The following PCDHA3 variants were observed in gnomAD, a reference collection of about 807,000 sequenced individuals.
PCDHA3 encodes protocadherin alpha 3, also known as protocadherin alpha-3.
In PCDHA3, 41 loss-of-function variants were observed where a neutral mutation model predicts 62.2. The ratio of observed to expected loss-of-function variants is 0.66; its 90% CI spans 0.51 to 0.86. The LOEUF (loss-of-function observed/expected upper bound fraction) is 0.86. PCDHA3 is among the 40% of genes least tolerant of loss of function. PCDHA3 has a pLI of 0.00. For missense variants in PCDHA3, 1,304 were observed against 1,241.2 expected, an observed-to-expected ratio of 1.05 and a Z score of -0.76; for synonymous variants, 640 against 555.4, an observed-to-expected ratio of 1.15 and a Z score of -2.14.
chr5:140,883,559 G>A (rs2059672435), intron 1 of PCDHA3: 5 of 1,614,074 alleles, frequency 3.1e-6, no homozygotes, highest in Non-Finnish European at 4.2e-6. Context: ...GCGGGACGGG[G>A]GCTCGCCTTC....
chr5:140,869,580 T>C (rs1325973038), intron 1 of PCDHA3: 4 of 1,614,046 alleles, frequency 2.5e-6, no homozygotes, highest in Non-Finnish European at 3.4e-6. Flanking sequence ...GAGCTTCTGA[T>C]GCTGACATTG....
chr5:140,808,344 C>T, intron 1 of PCDHA3: 1 of 1,614,268 alleles, frequency 6.2e-7, no homozygotes. Context: ...GGGCTGGTCA[C>T]CTGCTCCTTG....
intron 1 of PCDHA3, chr5:140,809,451 G>A (rs1764468208): frequency 1.2e-6 from 2 of 1,614,248 alleles, no homozygotes; most frequent in Non-Finnish European, 1.7e-6. Context: ...CAGCAGAGGA[G>A]GCCGAGGGTG....
Position 140,801,553 on chromosome 5 carries a change from T to G in PCDHA3, c.356T>G (p.Val119Gly), listed in dbSNP as rs782642948. ...GACAGGCCGCTGCAGGTTTTCCATG[T>G]GGAGGTGGAAGTGAAGGACATTAAT... ...IVDRPLQVFHVEVEVKDINDN... is the reference protein window; with the variant it reads ...IVDRPLQVFHGEVEVKDINDN... The change falls in exon 1 of 4, where the codon GTG becomes GGG. Residue 119 changes from valine (V) to glycine (G), a missense_variant. Coordinates refer to ENST00000522353, the MANE Select transcript of PCDHA3 (RefSeq NM_018906.3). 3.7e-6 allele frequency: 6 copies of G among 1,614,078 alleles called. No homozygotes were observed. The East Asian group carries it at 1.3e-4, about 36-fold the overall frequency.
intron 1 of PCDHA3, chr5:140,841,424 G>A: frequency 6.2e-7 from 1 of 1,612,920 alleles, no homozygotes; most frequent in Non-Finnish European, 8.5e-7. Context: ...CCACTACTCC[G>A]TCCCCGAGGA....
chr5:140,894,670 C>T (rs971891585), intron 1 of PCDHA3, among the ~76,000 whole-genome samples: 2 of 151,580 alleles, frequency 1.3e-5, no homozygotes, highest in African/African-American at 4.8e-5. Flanking sequence ...TTTGTGTATT[C>T]TTGCATAGCT....
chr5:140,835,433 G>A lies in PCDHA3; in HGVS notation c.2394+31842G>A, dbSNP rs2150235637. 11 of 1,613,904 alleles carry A rather than the reference G, an allele frequency of 6.8e-6. 1 individual carries two copies. The South Asian group carries it at 1.2e-4, about 18-fold the overall frequency. ...ATGTAAATGACAATGCTCCACAGTTGACTCTCACTTCCCTGTCTCTCCCTA... is the reference window on the plus strand; with the variant it reads ...ATGTAAATGACAATGCTCCACAGTTAACTCTCACTTCCCTGTCTCTCCCTA... On this transcript the variant is annotated intron_variant, in intron 1 of 3. Coordinates refer to ENST00000522353, the MANE Select transcript of PCDHA3 (RefSeq NM_018906.3).
chr5:140,806,964 T>C (rs1380498869), intron 1 of PCDHA3: 2 of 602,612 alleles, frequency 3.3e-6, no homozygotes, highest in Non-Finnish European at 5.8e-6. Context: ...GTTTCCACAA[T>C]TGCTACTTAC....
At chr5:140,869,551 TCG>T in intron 1 of PCDHA3, 1 of 1,614,218 alleles carries the variant, frequency 6.2e-7, no homozygotes, top group Non-Finnish European at 8.5e-7. Context: ...GCAATCGGAC[TCG>T]CGTTTTCCAC....
chr5:140,803,229 G>A lies in PCDHA3; in HGVS notation c.2032G>A (p.Ala678Thr), dbSNP rs782531842. The A allele has an allele frequency of 1.9e-6, 3 of 1,613,826 alleles. No homozygotes were observed. The highest frequency in any genetic ancestry group is 2.2e-5 in the East Asian group (1 of 44,880). The change falls in exon 1 of 4, where the codon GCC becomes ACC. Residue 678 changes from alanine (A) to threonine (T), a missense_variant. Ala to Thr is a moderately conservative substitution (Grantham distance 58, BLOSUM62 0). Transcript: ENST00000522353. ...SLVESGQAPK[A>T]SSQASAGATG... is the part of the protein sequence containing the mutation. ...GGTGGAGAGTGGCCAGGCACCCAAG[G>A]CCTCGTCCCAGGCGTCCGCTGGCGC...
chr5:140,927,077 G>C (rs568623488), intron 1 of PCDHA3: 29 of 1,610,728 alleles, frequency 1.8e-5, no homozygotes, highest in Non-Finnish European at 2.5e-5. Flanking sequence ...TCCAGCCACC[G>C]CGAGCTCTAC....
At chr5:140,822,035 C>A (rs2150113040) in intron 1 of PCDHA3, 15 of 1,614,084 alleles carry the variant, frequency 9.3e-6, no homozygotes, top group Non-Finnish European at 1.2e-5. Flanking sequence ...TTTGTGAATT[C>A]TCGGATCGAC....
chr5:140,813,949 G>A (rs2126651118), intron 1 of PCDHA3: 1 of 152,534 alleles, frequency 6.6e-6, no homozygotes, highest in Non-Finnish European at 1.5e-5. Flanking sequence ...AGTGAGCTAT[G>A]GTCGTGCCAC....
chr5:140,805,343 T>A (rs1763548876), intron 1 of PCDHA3: 1 of 1,222,294 alleles, frequency 8.2e-7, no homozygotes. Flanking sequence ...ATGATCATTT[T>A]GTAAAAATAT....
chr5:140,904,397 T>G (rs2071090298), intron 1 of PCDHA3, among the ~76,000 whole-genome samples: 1 of 151,416 alleles, frequency 6.6e-6, no homozygotes, highest in East Asian at 1.9e-4. Flanking sequence ...TATTCCATGG[T>G]GTATTATATA....
chr5:140,863,406 G>T, intron 1 of PCDHA3: 1 of 800,564 alleles, frequency 1.2e-6, no homozygotes, highest in South Asian at 1.3e-5. Flanking sequence ...GCAAGCCCAC[G>T]CTGGTGTACC....
rs138396244 is a variant in PCDHA3 at position 140,808,284 on chromosome 5, G to C, written c.2394+4693G>C. 1.6e-4 allele frequency: 256 copies of C among 1,614,256 alleles called. 1 individual carries two copies. In the African/African-American group the frequency reaches 2.7e-3, roughly 17 times the overall value. ...CCAATTAGAGAGGACGCTCCACTGG[G>C]TACAGTCATCGCCCTGATCAGCGTG... On this transcript the variant is annotated intron_variant, in intron 1 of 3. Coordinates refer to ENST00000522353, the MANE Select transcript of PCDHA3 (RefSeq NM_018906.3).
At chr5:140,842,619 C>T (rs2150340837) in intron 1 of PCDHA3, 8 of 1,575,272 alleles carry the variant, frequency 5.1e-6, no homozygotes, top group Middle Eastern at 1.7e-4. Context: ...GGGGGCTCGC[C>T]TTCGCTGTGG....
chr5:140,938,455 T>C (rs1317742854), intron 1 of PCDHA3, among the ~76,000 whole-genome samples: 1 of 152,196 alleles, frequency 6.6e-6, no homozygotes, highest in East Asian at 1.9e-4. Flanking sequence ...TTCCCTTTGT[T>C]TTTTAATTTA....
Sources: allele counts gnomAD v4.1 joint callset (sites outside exome capture counted in the v4.1 genomes callset), GRCh38; gene constraint gnomAD v4.1.1; transcripts MANE v1.5; gene names NCBI Gene and HGNC (gene_info 2026-07-23, HGNC 2026-07-21).